The following ZC3H18 variants were observed in gnomAD, a reference collection of about 807,000 sequenced individuals.
ZC3H18 encodes the protein zinc finger CCCH-type containing 18, also known as zinc finger CCCH domain-containing protein 18.
A neutral mutation model predicts 106.1 loss-of-function variants in ZC3H18; 8 were observed. That is an observed-to-expected ratio of 0.08 (90% CI 0.04 to 0.14). The LOEUF is 0.14. Ranked by LOEUF, ZC3H18 falls within the 10% of genes least tolerant of loss-of-function variation. The probability of loss-of-function intolerance (pLI) is 1.00; values close to 1 mark genes in which losing one functional copy is unlikely to be tolerated. For synonymous variants in ZC3H18, 635 were observed against 522.1 expected (o/e 1.22, Z -2.95); for missense variants, 1,318 against 1,278.4 (o/e 1.03, Z -0.47).
In ZC3H18 at chr16:88,631,775, A is replaced by G. The variant is rs1906709697; in HGVS notation, c.*476A>G. 3 of 335,456 alleles carry G rather than the reference A, an allele frequency of 8.9e-6. No homozygotes were observed. Among genetic ancestry groups the G allele is most frequent in the East Asian group, 9.4e-5 (1 of 10,670 alleles). 20.8% of individuals were successfully genotyped at this position (335,456 alleles called of 1,614,324 possible). A position where few individuals can be genotyped will look rare whatever the true frequency, so the allele number is the denominator to read the frequency against. On this transcript the variant is annotated 3_prime_UTR_variant, in exon 18 of 18. Transcript: ENST00000301011. ...GCCCCCGGATCAGAAATATATCTAT[A>G]TTCTCGACTAAAGTCTCATCAGGAA...
intron 10 of ZC3H18, chr16:88,623,691 T>C (rs1346419835): frequency 3.5e-6 from 2 of 579,556 alleles, no homozygotes; most frequent in South Asian, 2.5e-5. Flanking sequence ...CCAAGGAGCC[T>C]GTCTCCTCCT....
chr16:88,607,400 G>C (rs1367201501), intron 6 of ZC3H18, among the ~76,000 whole-genome samples: 2 of 152,334 alleles, frequency 1.3e-5, no homozygotes, highest in African/African-American at 4.8e-5. Context: ...AGCTTGTCTG[G>C]CTCCTTAAAG....
rs200317145 is a variant in ZC3H18 at position 88,609,067 on chromosome 16, A to G, written c.1206+16A>G. The stretch of plus-strand genomic sequence containing the variant: ...TAATTACCGAGTAAGTATGACTTCA[A>G]TATCCACATATGAACTTCATGATCT... On this transcript the variant is annotated intron_variant, in intron 7 of 17. Transcript: ENST00000301011. 94 of 1,570,810 alleles carry G rather than the reference A, an allele frequency of 6.0e-5. No individual in the cohort carries two copies. Among genetic ancestry groups the G allele is most frequent in the African/African-American group, 1.9e-4 (14 of 73,950 alleles).
At chr16:88,621,190 G>GC (rs1308204744) in intron 8 of ZC3H18, among the ~76,000 whole-genome samples, 3 of 151,204 alleles carry the variant, frequency 2.0e-5, no homozygotes, top group Non-Finnish European at 4.4e-5. Flanking sequence ...GATTACAGGC[G>GC]CCCGCCACCA....
chr16:88,618,569 G>C (rs1475620725), intron 8 of ZC3H18, among the ~76,000 whole-genome samples: 1 of 152,208 alleles, frequency 6.6e-6, no homozygotes, highest in Non-Finnish European at 1.5e-5. Flanking sequence ...GTGGCGCCTC[G>C]TGTGGCTGCT....
At chr16:88,578,076 T>A (rs1232947040) in intron 2 of ZC3H18, among the ~76,000 whole-genome samples, 1 of 152,204 alleles carries the variant, frequency 6.6e-6, no homozygotes, top group Non-Finnish European at 1.5e-5. Flanking sequence ...CGTCTTCAAG[T>A]GATACTCAAG....
chr16:88,586,743 G>T (rs893055011), intron 3 of ZC3H18, 59 bp downstream of exon 3: 2 of 1,414,496 alleles, frequency 1.4e-6, no homozygotes, highest in East Asian at 4.6e-5. Context: ...TTCTGGGGCT[G>T]TGGTGCTGGC....
intron 8 of ZC3H18, among the ~76,000 whole-genome samples, chr16:88,617,150 C>G (rs563222075): frequency 2.0e-5 from 3 of 152,308 alleles, no homozygotes; most frequent in Non-Finnish European, 2.9e-5. Flanking sequence ...TTTTCCTTAT[C>G]TCTAAGCTAA....
Position 88,598,344 on chromosome 16 carries a change from TTTCA to T in ZC3H18, c.837+21_837+24del, listed in dbSNP as rs1408293019. 1 of 1,588,652 alleles carries T rather than the reference TTTCA, an allele frequency of 6.3e-7. No individual in the cohort carries two copies. Among genetic ancestry groups the T allele is most frequent in the African/African-American group, 1.4e-5 (1 of 73,324 alleles). ...ACCCTTGGGTGCGTGATGCCTCTTC[TTTCA>T]TTGTTAGCACATCAGCCAACTGAGC... On this transcript the variant is annotated intron_variant, in intron 4 of 17. Coordinates refer to ENST00000301011, the MANE Select transcript of ZC3H18 (RefSeq NM_144604.4).
At chr16:88,617,168 C>T (rs938545644) in intron 8 of ZC3H18, among the ~76,000 whole-genome samples, 3 of 152,206 alleles carry the variant, frequency 2.0e-5, no homozygotes, top group Non-Finnish European at 4.4e-5. Context: ...TAATACCCCT[C>T]TTTCCTGAGG....
chr16:88,570,690 G>T (rs1398803683), intron 1 of ZC3H18, 124 bp downstream of exon 1: 6 of 151,358 alleles, frequency 4.0e-5, no homozygotes, highest in African/African-American at 1.5e-4. Flanking sequence ...CCGGCCGTGC[G>T]GACCCACCGG....
intron 1 of ZC3H18, among the ~76,000 whole-genome samples, chr16:88,576,127 C>G (rs1914731824): frequency 6.6e-6 from 1 of 152,120 alleles, no homozygotes. Context: ...GTCTCGATCT[C>G]CTGACCTCAT....
intron 15 of ZC3H18, 24 bp downstream of exon 15, chr16:88,628,143 G>A (rs1321143951): frequency 1.1e-5 from 18 of 1,608,138 alleles, no homozygotes; most frequent in Non-Finnish European, 1.4e-5. Flanking sequence ...CCCTCCTGGT[G>A]GCTGCCCCAG....
At chr16:88,572,513 A>T (rs956969754) in intron 1 of ZC3H18, among the ~76,000 whole-genome samples, 5 of 152,066 alleles carry the variant, frequency 3.3e-5, no homozygotes, top group Non-Finnish European at 7.4e-5. Flanking sequence ...GCAGAAAGCA[A>T]CGGAGACGGG....
intron 2 of ZC3H18, among the ~76,000 whole-genome samples, chr16:88,581,080 A>C (rs1915100448): frequency 6.6e-6 from 1 of 152,164 alleles, no homozygotes; most frequent in African/African-American, 2.4e-5. Flanking sequence ...TCTACTGGAT[A>C]CCTGGAAGGA....
chr16:88,626,229 G>C (rs557056940), intron 13 of ZC3H18: 2 of 152,138 alleles, frequency 1.3e-5, no homozygotes. Flanking sequence ...TGGGATTACA[G>C]GTGTGAGCCA....
At position 88,624,536 on chromosome 16, in the gene ZC3H18, A is replaced by G. The variant is rs965484120; in HGVS notation, c.1899-66A>G. The G allele has an allele frequency of 1.9e-4, 313 of 1,610,190 alleles. 1 individual carries two copies. Among genetic ancestry groups the G allele is most frequent in the Middle Eastern group, 3.3e-4 (2 of 6,068 alleles). On this transcript the variant is annotated intron_variant, in intron 11 of 17. Coordinates refer to ENST00000301011, the MANE Select transcript of ZC3H18 (RefSeq NM_144604.4). ...TTCCCCGAGCTGTGGGTCCATTGAA[A>G]GGGGATGTAGGCCAGCGGGGCCCCG... is the stretch of plus-strand genomic sequence containing the variant.
chr16:88,611,120 A>G (rs1475824299), intron 7 of ZC3H18, 148 bp from the exon 8 acceptor site: 1 of 675,540 alleles, frequency 1.5e-6, no homozygotes, highest in East Asian at 2.5e-5. Context: ...CATAGTCGGG[A>G]GCACTTGGCG....
intron 2 of ZC3H18, among the ~76,000 whole-genome samples, chr16:88,583,688 C>T (rs1332500856): frequency 6.6e-6 from 1 of 152,210 alleles, no homozygotes; most frequent in Non-Finnish European, 1.5e-5. Context: ...AGTGTGCCAG[C>T]GTGGAGACCC....
Sources: allele counts gnomAD v4.1 joint callset (sites outside exome capture counted in the v4.1 genomes callset), GRCh38; gene constraint gnomAD v4.1.1; transcripts MANE v1.5; gene names NCBI Gene and HGNC (gene_info 2026-07-23, HGNC 2026-07-21).